The following ITGA7 variants were observed in gnomAD, a reference collection of about 807,000 sequenced individuals.
ITGA7 encodes the protein integrin alpha-7.
A neutral mutation model predicts 131.6 loss-of-function variants in ITGA7; 84 were observed. The ratio of observed to expected loss-of-function variants is 0.64; its 90% CI spans 0.54 to 0.77. The LOEUF is 0.77. Ranked by LOEUF, ITGA7 falls within the 30% of genes least tolerant of loss-of-function variation. The pLI is 0.00. For synonymous variants in ITGA7, 548 were observed against 600.7 expected (o/e 0.91, Z 1.28); for missense variants, 1,399 against 1,482.9 (o/e 0.94, Z 0.93).
chr12:55,697,841 G>A lies in ITGA7; in HGVS notation c.1282-19C>T. On this transcript the variant is annotated intron_variant, in intron 8 of 24. Transcript: ENST00000257879. ...CCAGCACCTAGAGAACCAGCTGTCAGCCTCCCTCAATCCCACCTCCCGCAG... is the reference window on the plus strand; with the variant it reads ...CCAGCACCTAGAGAACCAGCTGTCAACCTCCCTCAATCCCACCTCCCGCAG... The A allele has an allele frequency of 6.2e-7, 1 of 1,614,092 alleles. No individual in the cohort carries two copies. The highest frequency in any genetic ancestry group is 8.5e-7 in the Non-Finnish European group (1 of 1,179,992).
chr12:55,690,454 T>C lies in ITGA7; in HGVS notation c.2845-1497A>G, dbSNP rs1212249342. ...CTCACACCAGTTAGAATGGCAATCA[T>C]TAAAAAGTCAGGAAACAACAGGTGC... On this transcript the variant is annotated intron_variant, in intron 21 of 24. Transcript: ENST00000257879. Among the ~76,000 whole-genome samples the C allele has an allele frequency of 3.2e-4, 46 of 145,868 alleles. 1 individual carries two copies. The highest frequency in any genetic ancestry group is 1.1e-3 in the African/African-American group (46 of 40,294).
chr12:55,697,250 G>A lies in ITGA7; in HGVS notation c.1533C>T (p.Tyr511=). 1 of 1,598,668 alleles carries A rather than the reference G, an allele frequency of 6.3e-7. No individual in the cohort carries two copies. Among genetic ancestry groups the A allele is most frequent in the Non-Finnish European group, 8.5e-7 (1 of 1,172,806 alleles). ...VCVDLRVCFS[Y]IAVPSSYSPT... is the part of the protein sequence containing the mutation. Reference sequence around the variant, plus strand: ...GGCTATAGCTGCTGGGGACTGCAATGTAGCTGAAACAGACCCTTAGGTCCA... The same window carrying A: ...GGCTATAGCTGCTGGGGACTGCAATATAGCTGAAACAGACCCTTAGGTCCA... The change falls in exon 11 of 25, where the codon TAC becomes TAT. Residue 511 remains tyrosine, a synonymous_variant. Coordinates refer to ENST00000257879, the MANE Select transcript of ITGA7 (RefSeq NM_002206.3).
intron 24 of ITGA7, 135 bp downstream of exon 24, chr12:55,687,836 G>A: frequency 2.5e-6 from 3 of 1,210,702 alleles, no homozygotes; most frequent in South Asian, 1.2e-5. Context: ...TAGAGTTCCT[G>A]AGACATGCAG....
rs369460872 is a variant in ITGA7, at chr12:55,692,964, A to G, written c.2724T>C (p.Ser908=). ...RPNILHLDVD[S]RDRRRRELEP... ...CCAGCTCCCGCCGCCTCCTATCCCTACTGTCCACATCCTGGACACGGAAGG... is the reference window on the plus strand; with the variant it reads ...CCAGCTCCCGCCGCCTCCTATCCCTGCTGTCCACATCCTGGACACGGAAGG... The change falls in exon 21 of 25, where the codon AGT becomes AGC. Residue 908 remains serine (S), a synonymous_variant. Coordinates refer to ENST00000257879, the MANE Select transcript of ITGA7 (RefSeq NM_002206.3). The G allele has an allele frequency of 6.2e-7, 1 of 1,613,626 alleles. No individual in the cohort carries two copies. Among genetic ancestry groups the G allele is most frequent in the African/African-American group, 1.3e-5 (1 of 74,780 alleles).
chr12:55,688,739 G>T lies in ITGA7; in HGVS notation c.2958+105C>A, dbSNP rs998689381. 1.7e-5 allele frequency: 15 copies of T among 869,150 alleles called. No homozygotes were observed. The East Asian group carries it at 1.8e-4, about 10-fold the overall frequency. 53.8% of individuals were successfully genotyped at this position (869,150 alleles called of 1,614,324 possible). A position where few individuals can be genotyped will look rare whatever the true frequency, so the allele number is the denominator to read the frequency against. ...CTCCGTCTCAAAAAAAAAAAAAAGG[G>T]GGGGGATGCTGCATTTGGACAGTGA... On this transcript the variant is annotated intron_variant, in intron 22 of 24. Coordinates refer to ENST00000257879, the MANE Select transcript of ITGA7 (RefSeq NM_002206.3).
intron 5 of ITGA7, chr12:55,699,367 T>G: frequency 3.5e-6 from 1 of 285,316 alleles, no homozygotes; most frequent in Non-Finnish European, 6.8e-6. Flanking sequence ...AACTCCCTCA[T>G]CCTGGCAGGG....
intron 14 of ITGA7, 31 bp downstream of exon 14, chr12:55,695,491 C>A: frequency 8.4e-7 from 1 of 1,191,366 alleles, no homozygotes; most frequent in Non-Finnish European, 1.3e-6. Context: ...TCTTGCCCTC[C>A]CACCCCCACC....
At chr12:55,692,804 C>A in intron 21 of ITGA7, 40 bp downstream of exon 21, 2 of 1,573,900 alleles carry the variant, frequency 1.3e-6, no homozygotes, top group South Asian at 2.3e-5. Flanking sequence ...ACACGCAGCA[C>A]CCCGGAGCTC....
chr12:55,695,428 A>G (rs1347330909), intron 14 of ITGA7, 94 bp downstream of exon 14: 3 of 899,822 alleles, frequency 3.3e-6, no homozygotes, highest in Admixed American at 2.0e-5. Context: ...CTGCAGGCTC[A>G]GCCCTTCCCT....
intron 21 of ITGA7, among the ~76,000 whole-genome samples, chr12:55,690,218 C>G (rs1191381183): frequency 6.6e-6 from 1 of 152,116 alleles, no homozygotes; most frequent in South Asian, 2.1e-4. Flanking sequence ...TCGCAACCTA[C>G]TCATCTGACA....
chr12:55,712,101 C>A, upstream of ITGA7: 4 of 1,551,536 alleles, frequency 2.6e-6, no homozygotes, highest in Non-Finnish European at 3.5e-6. Context: ...CCTCTGAATT[C>A]TGGTTGTAGT....
At chr12:55,697,884 TG>T (rs1308280392) in intron 8 of ITGA7, 53 bp downstream of exon 8, 6 of 1,613,972 alleles carry the variant, frequency 3.7e-6, no homozygotes, top group Non-Finnish European at 5.1e-6. Context: ...CCTCCCCTGA[TG>T]CCTCTGCTGA....
At chr12:55,699,447 C>T (rs1873458655) in intron 5 of ITGA7, 4 of 281,670 alleles carry the variant, frequency 1.4e-5, no homozygotes, top group South Asian at 1.2e-4. Flanking sequence ...ACCCAAACAT[C>T]TCCCAGGCCT....
intron 4 of ITGA7, 103 bp downstream of exon 4, chr12:55,700,796 C>A: frequency 7.0e-7 from 1 of 1,432,000 alleles, no homozygotes; most frequent in Non-Finnish European, 9.8e-7. Context: ...GGCCATACAG[C>A]AGTGCACATG....
intron 14 of ITGA7, 117 bp from the exon 15 acceptor site, chr12:55,695,087 G>C (rs1872345665): frequency 9.7e-7 from 1 of 1,032,578 alleles, no homozygotes; most frequent in Non-Finnish European, 1.4e-6. Flanking sequence ...CCCACCCCAG[G>C]TCCCCATCAC....
chr12:55,700,721 AAGGAGGCACCCCCCATTCATGT>A (rs1243476521), intron 4 of ITGA7, 156 bp downstream of exon 4: 2 of 822,562 alleles, frequency 2.4e-6, no homozygotes, highest in Non-Finnish European at 1.9e-6. Flanking sequence ...GTGCGAGGGA[AAGGAGGCACCCCCCATTCATGT>A]GTGCACTAGC....
chr12:55,698,107 T>A, intron 7 of ITGA7, 81 bp from the exon 8 acceptor site: 1 of 1,288,624 alleles, frequency 7.8e-7, no homozygotes, highest in Non-Finnish European at 1.1e-6. Context: ...CCCCAGTCAC[T>A]CAGGTATGTT....
chr12:55,712,809 T>A (rs1232783111), upstream of ITGA7, among the ~76,000 whole-genome samples: 1 of 152,106 alleles, frequency 6.6e-6, no homozygotes, highest in Non-Finnish European at 1.5e-5. Flanking sequence ...GGACACTAGA[T>A]ACAGATACCC....
upstream of ITGA7, chr12:55,716,325 A>T (rs765478580): frequency 6.1e-6 from 9 of 1,487,572 alleles, no homozygotes; most frequent in Non-Finnish European, 8.0e-6. Context: ...CATGGGGGAG[A>T]GGGAATTTCA....
Sources: allele counts gnomAD v4.1 joint callset (sites outside exome capture counted in the v4.1 genomes callset), GRCh38; gene constraint gnomAD v4.1.1; transcripts MANE v1.5; gene names NCBI Gene and HGNC (gene_info 2026-07-23, HGNC 2026-07-21).